The following ADGRB3 variants were observed in gnomAD, a reference collection of about 807,000 sequenced individuals.
The protein encoded by ADGRB3 is brain-specific angiogenesis inhibitor 3.
A neutral mutation model predicts 193.4 loss-of-function variants in ADGRB3; 37 were observed. The ratio of observed to expected loss-of-function variants is 0.19; its 90% CI spans 0.15 to 0.25. The LOEUF is 0.25. ADGRB3 is among the 10% of genes least tolerant of loss of function. The probability of loss-of-function intolerance (pLI) is 1.00; values close to 1 mark genes in which losing one functional copy is unlikely to be tolerated. For missense variants in ADGRB3, 1,637 were observed against 1,852.9 expected, an observed-to-expected ratio of 0.88 and a Z score of 2.14; for synonymous variants, 690 against 644.2, an observed-to-expected ratio of 1.07 and a Z score of -1.08.
At chr6:69,222,687 T>C (rs114615538) in intron 17 of ADGRB3, among the ~76,000 whole-genome samples, 2,621 of 152,220 alleles carry the variant, frequency 0.017, 71 homozygotes, top group African/African-American at 0.059. Flanking sequence ...TTATCTAATA[T>C]TTATTGAAGC....
At chr6:69,069,166 A>G (rs1277186693) in intron 16 of ADGRB3, among the ~76,000 whole-genome samples, 2 of 152,148 alleles carry the variant, frequency 1.3e-5, no homozygotes, top group Non-Finnish European at 2.9e-5. Flanking sequence ...ATGGAACAGT[A>G]CTTATCATAA....
intron 3 of ADGRB3, among the ~76,000 whole-genome samples, chr6:68,885,968 A>G (rs888035867): frequency 6.6e-6 from 1 of 152,180 alleles, no homozygotes; most frequent in Admixed American, 6.5e-5. Context: ...TCCAGTGAAA[A>G]TAAAACAACA....
chr6:69,249,494 G>A (rs754532817), intron 20 of ADGRB3, among the ~76,000 whole-genome samples: 14 of 152,186 alleles, frequency 9.2e-5, no homozygotes, highest in Non-Finnish European at 1.9e-4. Context: ...ACTTCTTAAT[G>A]TACAGCAGTA....
chr6:68,938,272 T>C (rs923301553), intron 5 of ADGRB3, among the ~76,000 whole-genome samples: 2 of 151,832 alleles, frequency 1.3e-5, no homozygotes, highest in African/African-American at 4.8e-5. Flanking sequence ...AGGGGGAAGA[T>C]GAAAAATATG....
chr6:68,959,383 CT>C (rs1768171562), intron 8 of ADGRB3, among the ~76,000 whole-genome samples: 4 of 152,180 alleles, frequency 2.6e-5, no homozygotes, highest in Admixed American at 2.6e-4. Flanking sequence ...AAACAATATG[CT>C]TTTTCTAGTA....
At chr6:69,059,839 A>G (rs1771672812) in intron 15 of ADGRB3, among the ~76,000 whole-genome samples, 1 of 152,154 alleles carries the variant, frequency 6.6e-6, no homozygotes, top group Admixed American at 6.6e-5. Flanking sequence ...TTGGCATTAC[A>G]TTTTAAATCA....
chr6:69,193,655 C>T (rs1765242801), intron 17 of ADGRB3, among the ~76,000 whole-genome samples: 1 of 152,018 alleles, frequency 6.6e-6, no homozygotes, highest in Non-Finnish European at 1.5e-5. Flanking sequence ...AATTAGAACA[C>T]CTGGGTTCTA....
At chr6:69,322,327 T>C (rs1768474779) in intron 20 of ADGRB3, among the ~76,000 whole-genome samples, 1 of 151,924 alleles carries the variant, frequency 6.6e-6, no homozygotes, top group Non-Finnish European at 1.5e-5. Flanking sequence ...CCTGAATGTG[T>C]CTTTATAATA....
chr6:68,884,841 C>A (rs1438876817), intron 3 of ADGRB3, among the ~76,000 whole-genome samples: 1 of 152,070 alleles, frequency 6.6e-6, no homozygotes, highest in Non-Finnish European at 1.5e-5. Context: ...TTTCAGACAA[C>A]AGTACATGTG....
chr6:68,813,515 G>C (rs1161579756), intron 3 of ADGRB3, among the ~76,000 whole-genome samples: 23 of 151,262 alleles, frequency 1.5e-4, no homozygotes, highest in Non-Finnish European at 1.0e-4. Flanking sequence ...CATTAACTTA[G>C]AGCATGCAGG....
chr6:68,818,735 T>C (rs1261354958), intron 3 of ADGRB3, among the ~76,000 whole-genome samples: 1 of 152,116 alleles, frequency 6.6e-6, no homozygotes, highest in Admixed American at 6.6e-5. Context: ...TATCCTTAGA[T>C]AGTCCCAAAG....
chr6:69,222,914 A>G (rs1257660221), intron 17 of ADGRB3, among the ~76,000 whole-genome samples: 1 of 152,162 alleles, frequency 6.6e-6, no homozygotes, highest in Admixed American at 6.6e-5. Flanking sequence ...ATTATGAACC[A>G]CTTAGTTTAA....
At chr6:69,181,903 T>A (rs1218198240) in intron 17 of ADGRB3, among the ~76,000 whole-genome samples, 1 of 152,204 alleles carries the variant, frequency 6.6e-6, no homozygotes, top group Non-Finnish European at 1.5e-5. Flanking sequence ...TTGGGGATAA[T>A]CTTAGTTAGC....
intron 17 of ADGRB3, among the ~76,000 whole-genome samples, chr6:69,121,971 G>T (rs558996093): frequency 6.6e-6 from 1 of 150,882 alleles, no homozygotes; most frequent in East Asian, 2.0e-4. Flanking sequence ...CATCCCAGAC[G>T]ATGGGCGGCC....
intron 17 of ADGRB3, among the ~76,000 whole-genome samples, chr6:69,121,752 C>T (rs1454455530): frequency 2.0e-5 from 3 of 147,422 alleles, no homozygotes; most frequent in African/African-American, 7.6e-5. Context: ...GGCAGCCAGG[C>T]GTAGGCGCTC....
chr6:68,812,920 T>C (rs12193995), intron 3 of ADGRB3, among the ~76,000 whole-genome samples: 3 of 150,988 alleles, frequency 2.0e-5, no homozygotes, highest in Admixed American at 6.6e-5. Context: ...TGAGAACATG[T>C]GGTATTTGGT....
At chr6:69,224,124 T>C (rs1765957646) in intron 17 of ADGRB3, among the ~76,000 whole-genome samples, 1 of 152,104 alleles carries the variant, frequency 6.6e-6, no homozygotes, top group Non-Finnish European at 1.5e-5. Flanking sequence ...ATATTTCATG[T>C]TTTTTCATGT....
intron 13 of ADGRB3, among the ~76,000 whole-genome samples, chr6:69,047,171 CT>C (rs1228183673): frequency 6.6e-6 from 1 of 152,172 alleles, no homozygotes; most frequent in African/African-American, 2.4e-5. Context: ...TGAATTTTTA[CT>C]TTAGCTTTTC....
rs545003055 is a variant in ADGRB3, at chr6:68,974,020, T to C, written c.1526-743T>C. Among the ~76,000 whole-genome samples the C allele has an allele frequency of 1.1e-4, 17 of 152,340 alleles. No individual in the cohort carries two copies. The South Asian group carries it at 3.1e-3, about 28-fold the overall frequency. On this transcript the variant is annotated intron_variant, in intron 8 of 31. Transcript: ENST00000370598. Reference sequence around the variant, plus strand: ...AAAGATCAAATTGGTATATTTTTACTGCTATCATTGCTTTTAGTTGAAGAG... The same window carrying C: ...AAAGATCAAATTGGTATATTTTTACCGCTATCATTGCTTTTAGTTGAAGAG...
Sources: gnomAD v4.1 joint callset for allele counts (sites outside exome capture counted in the v4.1 genomes callset) on GRCh38, gnomAD v4.1.1 for gene constraint, MANE v1.5 for transcripts, NCBI Gene and HGNC (gene_info 2026-07-23, HGNC 2026-07-21) for gene names.